AGAP1: variants seen among roughly 807,000 people sequenced by gnomAD.
AGAP1 encodes the protein arf-GAP with GTPase, ANK repeat and PH domain-containing protein 1.
A neutral mutation model predicts 105.3 loss-of-function variants in AGAP1; 29 were observed. The ratio of observed to expected loss-of-function variants is 0.28; its 90% CI spans 0.21 to 0.38. AGAP1 has a LOEUF of 0.38. Among genes scored for constraint, AGAP1 ranks in the 10% least tolerant of loss-of-function variants. The pLI, the probability that AGAP1 is intolerant of heterozygous loss-of-function variation, is 1.00. For missense variants in AGAP1, 998 were observed against 1,165.1 expected, an observed-to-expected ratio of 0.86 and a Z score of 2.09; for synonymous variants, 509 against 485.9, an observed-to-expected ratio of 1.05 and a Z score of -0.63.
At position 235,494,858 on chromosome 2, in the gene AGAP1, CGGGCCGCCTTG is replaced by C; in HGVS notation, c.163+15_163+25del. ...CGTCATCGCCATCGAAGGTGAGGGC[CGGGCCGCCTTG>C]GGGCCTCGGGAAGGCACGGACGCCC... On this transcript the variant is annotated intron_variant, in intron 1 of 17. Transcript: ENST00000304032. 6.4e-7 allele frequency: 1 copy of C among 1,561,316 alleles called. No homozygotes were observed. Among genetic ancestry groups the C allele is most frequent in the Non-Finnish European group, 8.7e-7 (1 of 1,153,636 alleles).
At chr2:235,540,132 T>G (rs1046605905) in intron 1 of AGAP1, among the ~76,000 whole-genome samples, 4 of 147,546 alleles carry the variant, frequency 2.7e-5, no homozygotes, top group Non-Finnish European at 6.0e-5. Flanking sequence ...TTTTTTTCTC[T>G]CCCTCCCTCT....
In AGAP1 at chr2:235,862,760, C is replaced by T. The variant is rs114374047; in HGVS notation, c.1051-20585C>T. On this transcript the variant is annotated intron_variant, in intron 9 of 17. Coordinates refer to ENST00000304032, the MANE Select transcript of AGAP1 (RefSeq NM_001037131.3). ...GAATTGCCTTCACAGACCATATGCACCTTTGAACTTCCGTAATAGATGTCA... is the reference window on the plus strand; with the variant it reads ...GAATTGCCTTCACAGACCATATGCATCTTTGAACTTCCGTAATAGATGTCA... Among the ~76,000 whole-genome samples, 966 of 152,276 alleles carry T rather than the reference C, an allele frequency of 6.3e-3. 9 individuals are homozygous for T. Among genetic ancestry groups the T allele is most frequent in the Non-Finnish European group, 0.01 (692 of 68,004 alleles).
chr2:235,822,464 C>T (rs1958844748), intron 9 of AGAP1, among the ~76,000 whole-genome samples: 1 of 151,802 alleles, frequency 6.6e-6, no homozygotes, highest in Non-Finnish European at 1.5e-5. Context: ...GCTGGAGAAG[C>T]TCAAGGGTGA....
At chr2:235,587,646 T>C (rs1325890103) in intron 1 of AGAP1, among the ~76,000 whole-genome samples, 2 of 151,962 alleles carry the variant, frequency 1.3e-5, no homozygotes, top group Admixed American at 1.3e-4. Context: ...TCCCAGCTAC[T>C]CTGGAGGCTG....
intron 6 of AGAP1, among the ~76,000 whole-genome samples, chr2:235,778,035 A>G (rs529866312): frequency 1.3e-5 from 2 of 152,100 alleles, no homozygotes; most frequent in East Asian, 3.9e-4. Context: ...CGAGGCACTC[A>G]CATTTCTGGC....
chr2:235,616,008 G>T (rs1946295450), intron 1 of AGAP1, among the ~76,000 whole-genome samples: 1 of 152,110 alleles, frequency 6.6e-6, no homozygotes, highest in Admixed American at 6.5e-5. Context: ...AAGAAACAAA[G>T]GAGCAATTAA....
At chr2:235,774,310 C>T (rs1955691704) in intron 6 of AGAP1, 1 of 469,050 alleles carries the variant, frequency 2.1e-6, no homozygotes, top group South Asian at 1.6e-5. Context: ...CACCTGTCGC[C>T]AGCCCAGGGC....
rs2059957058 is a variant in AGAP1, at chr2:236,123,773, T to C, written c.2371-146T>C. 5.3e-6 allele frequency: 5 copies of C among 951,632 alleles called. No individual in the cohort carries two copies. The East Asian group carries it at 1.3e-4, about 25-fold the overall frequency. The allele number at this position is 951,632 out of a possible 1,614,324, so 58.9% of individuals were successfully genotyped here. ...CGGGTGCAGGCTGTGCCACCAGCAC[T>C]GGATGGTCCTGGCACCCCAGCCAGT... On this transcript the variant is annotated intron_variant, in intron 17 of 17. Coordinates refer to ENST00000304032, the MANE Select transcript of AGAP1 (RefSeq NM_001037131.3). This position sits in a 1 kb window ranked among gnomAD's most constrained non-coding sequence, Gnocchi z 4.6.
chr2:235,892,318 G>A (rs1036110677), intron 10 of AGAP1, among the ~76,000 whole-genome samples: 1 of 151,930 alleles, frequency 6.6e-6, no homozygotes, highest in East Asian at 1.9e-4. Flanking sequence ...TCATTACTAG[G>A]CAGGTTAATT....
chr2:235,711,857 C>A (rs1950874650), intron 2 of AGAP1, among the ~76,000 whole-genome samples: 1 of 152,182 alleles, frequency 6.6e-6, no homozygotes, highest in Non-Finnish European at 1.5e-5. Context: ...GTCTCAGGAA[C>A]CCAGCCCCTG....
intron 16 of AGAP1, among the ~76,000 whole-genome samples, chr2:236,084,983 G>A (rs2058888003): frequency 6.6e-6 from 1 of 151,616 alleles, no homozygotes; most frequent in African/African-American, 2.4e-5. Context: ...GGGAGGCCAA[G>A]GTGGATGGAT....
chr2:235,636,349 T>C (rs6755747), intron 1 of AGAP1, among the ~76,000 whole-genome samples: 57,446 of 151,746 alleles, frequency 0.38, 10,985 homozygotes, highest in Middle Eastern at 0.45. Context: ...GGATGACCAC[T>C]AAAAAATGAA....
chr2:236,072,124 G>T (rs894009108), intron 16 of AGAP1, among the ~76,000 whole-genome samples: 7 of 142,378 alleles, frequency 4.9e-5, no homozygotes, highest in African/African-American at 1.8e-4. Flanking sequence ...CTTCGTTGTG[G>T]GTTTTTTTTT....
In AGAP1 at chr2:235,509,439, G is replaced by T. The variant is rs554486363; in HGVS notation, c.163+14590G>T. ...TAGTAGAGACGGTTTCACCATGTTG[G>T]CCAGGCTGGTCTCGAACTCCTGACC... On this transcript the variant is annotated intron_variant, in intron 1 of 17. Coordinates refer to ENST00000304032, the MANE Select transcript of AGAP1 (RefSeq NM_001037131.3). Among the ~76,000 whole-genome samples, 41 of 151,920 alleles carry T rather than the reference G, an allele frequency of 2.7e-4. No individual in the cohort carries two copies. In the South Asian group the frequency reaches 7.3e-3, roughly 27 times the overall value.
intron 1 of AGAP1, among the ~76,000 whole-genome samples, chr2:235,534,979 G>A (rs1210255395): frequency 1.3e-5 from 2 of 152,166 alleles, no homozygotes; most frequent in African/African-American, 4.8e-5. Flanking sequence ...GCAGACACCA[G>A]CCCTTAGGGA....
intron 12 of AGAP1, among the ~76,000 whole-genome samples, chr2:235,932,457 T>C (rs2052769285): frequency 6.6e-6 from 1 of 152,224 alleles, no homozygotes; most frequent in East Asian, 1.9e-4. Flanking sequence ...TATCAATTAG[T>C]ATTACTATTT....
chr2:235,945,163 C>G (rs1426882007), intron 12 of AGAP1, among the ~76,000 whole-genome samples: 2 of 152,144 alleles, frequency 1.3e-5, no homozygotes, highest in Non-Finnish European at 1.5e-5. Flanking sequence ...TGCAGTGGCG[C>G]GATCTCGGCT....
At chr2:235,591,893 G>A (rs1311219983) in intron 1 of AGAP1, among the ~76,000 whole-genome samples, 3 of 127,792 alleles carry the variant, frequency 2.3e-5, no homozygotes, top group East Asian at 4.6e-4. Flanking sequence ...CTCTTGCCAT[G>A]TGACATGCCT....
In AGAP1 at chr2:235,705,651, A is replaced by C. The variant is rs1239950380; in HGVS notation, c.164-3528A>C. On this transcript the variant is annotated intron_variant, in intron 1 of 17. Transcript: ENST00000304032. The surrounding 1 kb of genome is among the most constrained non-coding windows in gnomAD (Gnocchi z 4.9). ...TTGTATGAGGCAGCATTCCATTTTG[A>C]CTGGGCGGTAACAGAGTTGATGAAA... 6.6e-6 allele frequency among the ~76,000 whole-genome samples: 1 copy of C among 152,210 alleles called. No homozygotes were observed. Among genetic ancestry groups the C allele is most frequent in the Admixed American group, 6.5e-5 (1 of 15,286 alleles).
Sources: allele counts gnomAD v4.1 joint callset (sites outside exome capture counted in the v4.1 genomes callset), GRCh38; gene constraint gnomAD v4.1.1; non-coding constraint Gnocchi (gnomAD v3.1); transcripts MANE v1.5; gene names NCBI Gene and HGNC (gene_info 2026-07-23, HGNC 2026-07-21).